The following PDZRN3 variants were observed in gnomAD, a reference collection of about 807,000 sequenced individuals.
PDZRN3 encodes the protein E3 ubiquitin-protein ligase PDZRN3.
PDZRN3 carries 38 observed loss-of-function variants against 85.7 expected under a neutral mutation model. The observed-to-expected ratio is 0.44, with a 90% CI of 0.34 to 0.58. The LOEUF is 0.58. PDZRN3 is among the 20% of genes least tolerant of loss of function. The pLI is 0.01. For synonymous variants in PDZRN3, 759 were observed against 638.0 expected (o/e 1.19, Z -2.86); for missense variants, 1,629 against 1,506.4 (o/e 1.08, Z -1.35).
At chr3:73,595,341 A>G (rs1156492061) in intron 3 of PDZRN3, among the ~76,000 whole-genome samples, 1 of 152,204 alleles carries the variant, frequency 6.6e-6, no homozygotes, top group African/African-American at 2.4e-5. Flanking sequence ...TTAAGTGGAT[A>G]ACTGCTATCA....
At chr3:73,530,677 C>T (rs1189198637) in intron 3 of PDZRN3, among the ~76,000 whole-genome samples, 1 of 152,050 alleles carries the variant, frequency 6.6e-6, no homozygotes, top group East Asian at 1.9e-4. Context: ...TAAATTTAAA[C>T]CAGAAATTTT....
intron 3 of PDZRN3, among the ~76,000 whole-genome samples, chr3:73,497,797 C>A (rs1310885942): frequency 6.7e-6 from 1 of 149,620 alleles, no homozygotes; most frequent in African/African-American, 2.6e-5. Flanking sequence ...GCCGGCACAG[C>A]GCCCCCCGTC....
chr3:73,553,747 A>C lies in PDZRN3; in HGVS notation c.918+48607T>G, dbSNP rs1004576511. ...AGAACACGCAGGAAGAAATGTCAAT[A>C]CAGGCTGGAGGAGTAGGCCAAGGTG... On this transcript the variant is annotated intron_variant, in intron 3 of 9. Coordinates refer to ENST00000263666, the MANE Select transcript of PDZRN3 (RefSeq NM_015009.3). 3.2e-4 allele frequency among the ~76,000 whole-genome samples: 48 copies of C among 152,162 alleles called. 3 individuals carry two copies. Among genetic ancestry groups the C allele is most frequent in the Non-Finnish European group, 2.9e-5 (2 of 68,022 alleles).
At chr3:73,390,316 C>T (rs760560841) in intron 6 of PDZRN3, among the ~76,000 whole-genome samples, 1 of 152,064 alleles carries the variant, frequency 6.6e-6, no homozygotes, top group Non-Finnish European at 1.5e-5. Flanking sequence ...ACAAGGGGGA[C>T]TGGTAAGGGG....
At chr3:73,434,151 G>A (rs2106806969) in intron 3 of PDZRN3, among the ~76,000 whole-genome samples, 1 of 152,302 alleles carries the variant, frequency 6.6e-6, no homozygotes, top group South Asian at 2.1e-4. Flanking sequence ...TCCAGTGGTA[G>A]GGAATAATAA....
rs1703297701 is a variant in PDZRN3 at position 73,383,431 on chromosome 3, G to T, written c.3135C>A (p.Thr1045=). The T allele has an allele frequency of 1.9e-6, 3 of 1,614,006 alleles. No homozygotes were observed. Among genetic ancestry groups the T allele is most frequent in the Middle Eastern group, 1.6e-4 (1 of 6,062 alleles). The change falls in exon 10 of 10, where the codon ACC becomes ACA. Residue 1045 remains threonine, a synonymous_variant. Transcript: ENST00000263666. The stretch of plus-strand genomic sequence containing the variant: ...TGCCGTCCGGGGATTTTGTGCCGTG[G>T]GTTAAGAGTTCTTGGATCGTCATCC... ...DNWMTIQELL[T]HGTKSPDGTR... is the part of the protein sequence containing the mutation.
intron 3 of PDZRN3, among the ~76,000 whole-genome samples, chr3:73,435,430 G>A (rs964992549): frequency 6.6e-6 from 1 of 152,136 alleles, no homozygotes; most frequent in African/African-American, 2.4e-5. Context: ...GCTGCGCAGG[G>A]CCCTATTAAC....
At chr3:73,416,850 GT>G (rs1233217783) in intron 3 of PDZRN3, among the ~76,000 whole-genome samples, 56 of 111,626 alleles carry the variant, frequency 5.0e-4, no homozygotes, top group Non-Finnish European at 9.0e-4. Context: ...ACCTGCCTAG[GT>G]TTTTTTTTTG....
intron 3 of PDZRN3, among the ~76,000 whole-genome samples, chr3:73,528,744 C>T (rs534671568): frequency 5.3e-5 from 8 of 152,062 alleles, no homozygotes; most frequent in South Asian, 2.1e-4. Context: ...AACTAGATTG[C>T]GGGACTGGAT....
intron 3 of PDZRN3, among the ~76,000 whole-genome samples, chr3:73,491,743 A>G (rs1018187123): frequency 2.6e-5 from 4 of 151,976 alleles, no homozygotes; most frequent in African/African-American, 9.7e-5. Context: ...CTACAGGTGC[A>G]TACCACTGTG....
intron 3 of PDZRN3, among the ~76,000 whole-genome samples, chr3:73,576,868 A>G (rs757845566): frequency 2.2e-4 from 33 of 152,140 alleles, no homozygotes; most frequent in Non-Finnish European, 4.4e-4. Context: ...AGAAACAATG[A>G]GACTAAATTA....
At chr3:73,456,944 A>G (rs922958278) in intron 3 of PDZRN3, among the ~76,000 whole-genome samples, 74 of 152,266 alleles carry the variant, frequency 4.9e-4, no homozygotes, top group African/African-American at 1.7e-3. Context: ...AGGGGGAAAA[A>G]AAAAACACCT....
At chr3:73,403,645 G>A (rs147278524) in intron 4 of PDZRN3, among the ~76,000 whole-genome samples, 282 of 152,254 alleles carry the variant, frequency 1.9e-3, no homozygotes, top group Non-Finnish European at 3.2e-3. Context: ...TCCATGTGGC[G>A]TGCTGAGTTG....
At chr3:73,529,107 G>A (rs530357330) in intron 3 of PDZRN3, among the ~76,000 whole-genome samples, 3 of 152,058 alleles carry the variant, frequency 2.0e-5, no homozygotes, top group Non-Finnish European at 4.4e-5. Flanking sequence ...ATTTGGAACC[G>A]GGGTCCATGT....
At chr3:73,404,458 C>G in intron 3 of PDZRN3, 63 bp from the exon 4 acceptor site, 1 of 1,513,122 alleles carries the variant, frequency 6.6e-7, no homozygotes, top group South Asian at 1.3e-5. Flanking sequence ...AGGACAAATA[C>G]ATGAATTGCC....
At chr3:73,595,086 A>C (rs1009948655) in intron 3 of PDZRN3, among the ~76,000 whole-genome samples, 8 of 152,190 alleles carry the variant, frequency 5.3e-5, no homozygotes, top group Admixed American at 5.2e-4. Context: ...CCATAATCCA[A>C]GGTGATGTCA....
chr3:73,613,102 A>G (rs1376975476), intron 1 of PDZRN3, among the ~76,000 whole-genome samples: 1 of 152,240 alleles, frequency 6.6e-6, no homozygotes, highest in Non-Finnish European at 1.5e-5. Context: ...AAATATCATT[A>G]TATATTCCTA....
At chr3:73,569,563 C>T (rs541083389) in intron 3 of PDZRN3, 229 of 1,051,136 alleles carry the variant, frequency 2.2e-4, no homozygotes, top group Non-Finnish European at 2.4e-4. Flanking sequence ...CCCCCACACC[C>T]GCACACACAT....
chr3:73,425,273 C>T (rs1269851936), intron 3 of PDZRN3, among the ~76,000 whole-genome samples: 3 of 152,120 alleles, frequency 2.0e-5, no homozygotes, highest in African/African-American at 4.8e-5. Flanking sequence ...CCGCCTCAGC[C>T]TCCCAAAGTG....
Sources: allele counts gnomAD v4.1 joint callset (sites outside exome capture counted in the v4.1 genomes callset), GRCh38; gene constraint gnomAD v4.1.1; transcripts MANE v1.5; gene names NCBI Gene and HGNC (gene_info 2026-07-23, HGNC 2026-07-21).